The following CHST11 variants were observed in gnomAD, a reference collection of about 807,000 sequenced individuals.
The protein encoded by CHST11 is carbohydrate sulfotransferase 11.
In CHST11, 9 loss-of-function variants were observed where a neutral mutation model predicts 30.4. The ratio of observed to expected loss-of-function variants is 0.30; its 90% CI spans 0.18 to 0.52. The LOEUF (loss-of-function observed/expected upper bound fraction) is 0.52. Among genes scored for constraint, CHST11 ranks in the 20% least tolerant of loss-of-function variants. The pLI is 0.97. For missense variants in CHST11, 348 were observed against 460.6 expected (o/e 0.76, Z 2.24); for synonymous variants, 152 against 187.8 (o/e 0.81, Z 1.56).
At chr12:104,696,126 C>A (rs2039942390) in intron 2 of CHST11, among the ~76,000 whole-genome samples, 1 of 152,144 alleles carries the variant, frequency 6.6e-6, no homozygotes, top group Non-Finnish European at 1.5e-5. Flanking sequence ...GCTCCCTTTG[C>A]TGTGCAAAGA....
At chr12:104,634,057 G>A (rs914309033) in intron 2 of CHST11, among the ~76,000 whole-genome samples, 2 of 152,204 alleles carry the variant, frequency 1.3e-5, no homozygotes, top group African/African-American at 4.8e-5. Flanking sequence ...CCAGGCTGTT[G>A]TGACATAGCA....
intron 2 of CHST11, among the ~76,000 whole-genome samples, chr12:104,652,891 GCTCCCTACACA>G (rs1566023861): frequency 6.6e-6 from 1 of 152,120 alleles, no homozygotes; most frequent in Admixed American, 6.5e-5. Flanking sequence ...CTCCCTACAC[GCTCCCTACACA>G]CTCCCTACGC....
chr12:104,592,590 G>A (rs115456590), intron 1 of CHST11, among the ~76,000 whole-genome samples: 2 of 152,146 alleles, frequency 1.3e-5, no homozygotes, highest in Non-Finnish European at 2.9e-5. Flanking sequence ...ATGAATTTTA[G>A]TGGGGACACA....
chr12:104,709,723 A>G (rs1024041864), intron 2 of CHST11, among the ~76,000 whole-genome samples: 1 of 152,172 alleles, frequency 6.6e-6, no homozygotes, highest in Non-Finnish European at 1.5e-5. Context: ...AAATCCGTGG[A>G]GACAGAGAGC....
chr12:104,636,020 G>A (rs2136071175), intron 2 of CHST11, among the ~76,000 whole-genome samples: 1 of 152,282 alleles, frequency 6.6e-6, no homozygotes, highest in Non-Finnish European at 1.5e-5. Context: ...CATTTACAGA[G>A]TGTATATTAT....
intron 2 of CHST11, among the ~76,000 whole-genome samples, chr12:104,709,934 T>G (rs12313995): frequency 0.063 from 9,546 of 152,266 alleles, 1,029 homozygotes; most frequent in African/African-American, 0.22. Context: ...TGGTGGCTCA[T>G]GCTTATAATC....
chr12:104,503,350 T>G (rs1469226522), intron 1 of CHST11, among the ~76,000 whole-genome samples: 1 of 152,214 alleles, frequency 6.6e-6, no homozygotes, highest in Non-Finnish European at 1.5e-5. Flanking sequence ...ATTGCATGTC[T>G]GCATTCTAAC....
rs73388120 is a variant in CHST11 at position 104,640,938 on chromosome 12, C to T, written c.204+38947C>T. Among the ~76,000 whole-genome samples the T allele has an allele frequency of 3.7e-3, 569 of 152,212 alleles. 5 individuals carry two copies. Among genetic ancestry groups the T allele is most frequent in the African/African-American group, 0.013 (532 of 41,510 alleles). On this transcript the variant is annotated intron_variant, in intron 2 of 2. Transcript: ENST00000303694. Reference sequence around the variant, plus strand: ...TTTTCCCGCTCAAATGTTGCCTGCCCCGACCCCCATCCTGTGCCCATAAAT... The same window carrying T: ...TTTTCCCGCTCAAATGTTGCCTGCCTCGACCCCCATCCTGTGCCCATAAAT...
chr12:104,522,426 G>C (rs556240004), intron 1 of CHST11, among the ~76,000 whole-genome samples: 8 of 152,300 alleles, frequency 5.3e-5, no homozygotes, highest in African/African-American at 1.4e-4. Flanking sequence ...GGAGGTCCGA[G>C]CTTTCAAGAC....
intron 1 of CHST11, among the ~76,000 whole-genome samples, chr12:104,532,340 ATGAGCCAAAGACGGT>A (rs2038194093): frequency 6.6e-6 from 1 of 152,032 alleles, no homozygotes; most frequent in Non-Finnish European, 1.5e-5. Context: ...CGTTATAAGA[ATGAGCCAAAGACGGT>A]GTATTGGTTC....
intron 1 of CHST11, among the ~76,000 whole-genome samples, chr12:104,581,235 C>T (rs191410207): frequency 8.9e-4 from 135 of 152,294 alleles, no homozygotes; most frequent in African/African-American, 3.2e-3. Context: ...AGGGTGTTGA[C>T]TTGCATTAGC....
chr12:104,474,752 T>C (rs966827295), intron 1 of CHST11, among the ~76,000 whole-genome samples: 1 of 149,490 alleles, frequency 6.7e-6, no homozygotes, highest in African/African-American at 2.4e-5. Context: ...GGGTGGGCAT[T>C]GGGTGGGGCA....
chr12:104,574,193 T>C (rs2038659069), intron 1 of CHST11, among the ~76,000 whole-genome samples: 1 of 152,166 alleles, frequency 6.6e-6, no homozygotes, highest in Admixed American at 6.5e-5. Context: ...ATGGCAATCA[T>C]TAAAAAGTCC....
At chr12:104,620,864 A>G (rs943218093) in intron 2 of CHST11, among the ~76,000 whole-genome samples, 1 of 152,222 alleles carries the variant, frequency 6.6e-6, no homozygotes, top group African/African-American at 2.4e-5. Flanking sequence ...ATGACAGTCA[A>G]TTGCAATTGA....
chr12:104,546,482 T>C (rs2038351256), intron 1 of CHST11, among the ~76,000 whole-genome samples: 1 of 142,908 alleles, frequency 7.0e-6, no homozygotes, highest in Non-Finnish European at 1.5e-5. Flanking sequence ...AAAAAAAAGA[T>C]TTAAATTTCC....
At chr12:104,518,949 ATCTTT>A (rs1301285649) in intron 1 of CHST11, among the ~76,000 whole-genome samples, 3 of 149,320 alleles carry the variant, frequency 2.0e-5, no homozygotes, top group East Asian at 2.0e-4. Context: ...TTTTCTTAAA[ATCTTT>A]TCTTTTTCTT....
chr12:104,646,925 T>C (rs1488885068), intron 2 of CHST11, among the ~76,000 whole-genome samples: 3 of 152,218 alleles, frequency 2.0e-5, no homozygotes, highest in African/African-American at 7.2e-5. Context: ...TTGCTGAGGA[T>C]ACAACAGTGA....
chr12:104,549,419 G>A (rs944783783), intron 1 of CHST11, among the ~76,000 whole-genome samples: 4 of 152,190 alleles, frequency 2.6e-5, no homozygotes, highest in Non-Finnish European at 5.9e-5. Context: ...GGCAAGAACT[G>A]TTCTAAGGGA....
intron 1 of CHST11, among the ~76,000 whole-genome samples, chr12:104,475,788 C>CAT (rs1284412563): frequency 1.4e-5 from 2 of 140,576 alleles, no homozygotes; most frequent in East Asian, 2.0e-4. Context: ...CATATATATG[C>CAT]ATATATATAT....
Sources: gnomAD v4.1 joint callset for allele counts (sites outside exome capture counted in the v4.1 genomes callset) on GRCh38, gnomAD v4.1.1 for gene constraint, MANE v1.5 for transcripts, NCBI Gene and HGNC (gene_info 2026-07-23, HGNC 2026-07-21) for gene names.